The following TARBP1 variants were observed in gnomAD, a reference collection of about 807,000 sequenced individuals.
The protein encoded by TARBP1 is tRNA guanosine 2 -O-methyltransferase TARBP1.
A neutral mutation model predicts 178.6 loss-of-function variants in TARBP1; 144 were observed. The ratio of observed to expected loss-of-function variants is 0.81; its 90% CI spans 0.70 to 0.93. TARBP1 has a LOEUF of 0.93. Ranked by LOEUF, TARBP1 falls within the 40% of genes least tolerant of loss-of-function variation. The probability of loss-of-function intolerance (pLI) is 0.00; values close to 1 mark genes in which losing one functional copy is unlikely to be tolerated. For missense variants in TARBP1, 2,067 were observed against 2,011.7 expected (o/e 1.03, Z -0.53); for synonymous variants, 787 against 781.0 (o/e 1.01, Z -0.13).
intron 10 of TARBP1, among the ~76,000 whole-genome samples, chr1:234,449,321 A>G (rs1460902209): frequency 6.6e-6 from 1 of 152,260 alleles, no homozygotes; most frequent in Non-Finnish European, 1.5e-5. Context: ...ATCAAAATTT[A>G]TATTTTGAAA....
intron 1 of TARBP1, among the ~76,000 whole-genome samples, chr1:234,474,769 T>C (rs1309193858): frequency 6.6e-6 from 1 of 152,228 alleles, no homozygotes; most frequent in Non-Finnish European, 1.5e-5. Context: ...TAAAGGCATT[T>C]AGATATGTAT....
chr1:234,474,924 A>G (rs1034512877), intron 1 of TARBP1, among the ~76,000 whole-genome samples: 6 of 152,214 alleles, frequency 3.9e-5, no homozygotes, highest in African/African-American at 1.4e-4. Flanking sequence ...ATGCAACCTG[A>G]ATTCTAAAAG....
rs533783087 is a variant in TARBP1 at position 234,427,378 on chromosome 1, C to T, written c.3262G>A (p.Asp1088Asn). Residue 1088 changes from aspartate (D) to asparagine (N), a missense_variant, in exon 19 of 30, where the codon GAT becomes AAT. By Grantham distance (23) the Asp-to-Asn change is conservative (BLOSUM62 1). Transcript: ENST00000040877. ...AGGTTTTCTATGAAGGTCTGTACAT[C>T]CTGAACAAGTCTTTCCATAAAAAAC... ...VFRRDQRLVQ[D>N]VQTFIENLGH... 3 of 1,608,302 alleles carry T rather than the reference C, an allele frequency of 1.9e-6. No homozygotes were observed. Among genetic ancestry groups the T allele is most frequent in the African/African-American group, 2.7e-5 (2 of 74,776 alleles).
intron 12 of TARBP1, among the ~76,000 whole-genome samples, chr1:234,441,388 CA>C (rs961989763): frequency 2.1e-4 from 32 of 152,072 alleles, no homozygotes; most frequent in African/African-American, 7.5e-4. Flanking sequence ...TATTTTTGGA[CA>C]AAAACCACAC....
intron 22 of TARBP1, among the ~76,000 whole-genome samples, chr1:234,414,950 C>T (rs1207945726): frequency 6.6e-6 from 1 of 151,928 alleles, no homozygotes. Context: ...CACCACTGCA[C>T]TCCAGTCTGG....
chr1:234,452,069 T>C (rs1231029155), intron 9 of TARBP1, among the ~76,000 whole-genome samples: 1 of 152,220 alleles, frequency 6.6e-6, no homozygotes, highest in Non-Finnish European at 1.5e-5. Context: ...AAAATTATTT[T>C]TGACAACTAA....
At chr1:234,431,672 T>G (rs551013970) in intron 14 of TARBP1, among the ~76,000 whole-genome samples, 22 of 152,346 alleles carry the variant, frequency 1.4e-4, no homozygotes, top group African/African-American at 5.1e-4. Flanking sequence ...GAATGAGCTT[T>G]CTTTAATTCC....
At position 234,450,504 on chromosome 1, in the gene TARBP1, A is replaced by G. The variant is rs1481277053; in HGVS notation, c.1785T>C (p.Ile595=). ...YFKPSPTCSS[I]GLHKTSLNAY... is the part of the protein sequence containing the mutation. ...CATTTAAAGATGTCTTGTGAAGTCCAATGGAGCTACACGTAGGGGATGGCT... is the reference window on the plus strand; with the variant it reads ...CATTTAAAGATGTCTTGTGAAGTCCGATGGAGCTACACGTAGGGGATGGCT... Residue 595 remains isoleucine, a synonymous_variant, in exon 10 of 30, where the codon ATT becomes ATC. Coordinates refer to ENST00000040877, the MANE Select transcript of TARBP1 (RefSeq NM_005646.4). 6.2e-7 allele frequency: 1 copy of G among 1,612,048 alleles called. No individual in the cohort carries two copies.
chr1:234,477,127 G>C (rs1669638327), intron 1 of TARBP1, among the ~76,000 whole-genome samples: 2 of 152,354 alleles, frequency 1.3e-5, no homozygotes, highest in South Asian at 4.1e-4. Context: ...GCAGGTTGCG[G>C]TGAGCGGAGA....
chr1:234,461,334 T>G (rs6688687), intron 6 of TARBP1, among the ~76,000 whole-genome samples: 23,682 of 152,206 alleles, frequency 0.16, 2,045 homozygotes, highest in Middle Eastern at 0.19. Flanking sequence ...AGACAGAGTC[T>G]CACTCTGTTG....
At chr1:234,412,868 C>T (rs961032209) in intron 22 of TARBP1, among the ~76,000 whole-genome samples, 1 of 152,070 alleles carries the variant, frequency 6.6e-6, no homozygotes, top group Non-Finnish European at 1.5e-5. Flanking sequence ...TACATATGCC[C>T]GATGCAGGCC....
Position 234,479,109 on chromosome 1 carries a change from G to T in TARBP1, c.-6C>A. The T allele has an allele frequency of 2.0e-6, 3 of 1,526,642 alleles. No individual in the cohort carries two copies. Among genetic ancestry groups the T allele is most frequent in the Non-Finnish European group, 2.6e-6 (3 of 1,150,762 alleles). The allele number at this position is 1,526,642 out of a possible 1,614,324, so 94.6% of individuals were successfully genotyped here. On this transcript the variant is annotated 5_prime_UTR_variant, in exon 1 of 30. Transcript: ENST00000040877. ...TCCGCGAGCACCCACTCCATTTGCC[G>T]AGCGCCCGCGCCACCGGCCCGGGCT...
intron 21 of TARBP1, among the ~76,000 whole-genome samples, chr1:234,419,050 T>C (rs1056085415): frequency 3.3e-5 from 5 of 151,928 alleles, no homozygotes; most frequent in Non-Finnish European, 5.9e-5. Context: ...TGGGCGCCTG[T>C]AGTCCCAGCT....
chr1:234,471,246 TA>T lies in TARBP1; in HGVS notation c.1040del (p.Ile347LysfsTer8), dbSNP rs1273635398. 6.3e-7 allele frequency: 1 copy of T among 1,591,718 alleles called. No individual in the cohort carries two copies. The highest frequency in any genetic ancestry group is 2.3e-5 in the East Asian group (1 of 44,348). ...TGTTTAGCTTTGGTAAAACTGGCTT[TA>T]TAACATGTATCTAAAAATAAGAGCA... ...ETLEGNQIHVIKPVLPKLNNL... is the reference protein window; with the variant it reads ...ETLEGNQIHVXKPVLPKLNNL... On this transcript the variant is annotated frameshift_variant, in exon 3 of 30. Coordinates refer to ENST00000040877, the MANE Select transcript of TARBP1 (RefSeq NM_005646.4). LOFTEE classifies it high-confidence loss of function.
chr1:234,438,334 G>A (rs1572325524), intron 12 of TARBP1, among the ~76,000 whole-genome samples: 1 of 152,308 alleles, frequency 6.6e-6, no homozygotes, highest in East Asian at 1.9e-4. Context: ...TGACTTGGGT[G>A]TTAGAACCGT....
intron 22 of TARBP1, among the ~76,000 whole-genome samples, chr1:234,412,250 T>A (rs1193308453): frequency 2.0e-5 from 3 of 152,040 alleles, no homozygotes; most frequent in African/African-American, 7.2e-5. Context: ...GGTAAAACCA[T>A]GTCTCTACTA....
chr1:234,437,432 C>A (rs1051228542), intron 12 of TARBP1, 60 bp from the exon 13 acceptor site: 3 of 765,240 alleles, frequency 3.9e-6, no homozygotes, highest in South Asian at 2.4e-5. Context: ...ACAAAACACA[C>A]CAGATATTCT....
intron 10 of TARBP1, among the ~76,000 whole-genome samples, chr1:234,449,704 A>T (rs74373550): frequency 0.023 from 3,530 of 152,344 alleles, 57 homozygotes; most frequent in South Asian, 0.063. Flanking sequence ...GACCTATTCC[A>T]TGGTCAGATT....
chr1:234,463,404 G>A (rs189580949), intron 6 of TARBP1, among the ~76,000 whole-genome samples: 10 of 152,306 alleles, frequency 6.6e-5, no homozygotes, highest in East Asian at 1.9e-4. Context: ...GATTCCAGGC[G>A]GGAGCCATTG....
Sources: allele counts gnomAD v4.1 joint callset (sites outside exome capture counted in the v4.1 genomes callset), GRCh38; gene constraint gnomAD v4.1.1; transcripts MANE v1.5; gene names NCBI Gene and HGNC (gene_info 2026-07-23, HGNC 2026-07-21).